The following ACLY variants were observed in gnomAD, a reference collection of about 807,000 sequenced individuals.
The protein encoded by ACLY is ATP citrate lyase.
A neutral mutation model predicts 133.0 loss-of-function variants in ACLY; 41 were observed. The observed-to-expected ratio is 0.31, with a 90% CI of 0.24 to 0.40. The LOEUF (loss-of-function observed/expected upper bound fraction) is 0.40. Ranked by LOEUF, ACLY falls within the 10% of genes least tolerant of loss-of-function variation. The pLI, the probability that ACLY is intolerant of heterozygous loss-of-function variation, is 1.00. For synonymous variants in ACLY, 495 were observed against 549.3 expected (o/e 0.90, Z 1.38); for missense variants, 1,046 against 1,453.8 (o/e 0.72, Z 4.56).
At chr17:41,893,396 G>A (rs2049271496) in intron 14 of ACLY, among the ~76,000 whole-genome samples, 1 of 152,200 alleles carries the variant, frequency 6.6e-6, no homozygotes, top group African/African-American at 2.4e-5. Flanking sequence ...CAAGCTAAGA[G>A]GGCCTGCTAG....
intron 10 of ACLY, among the ~76,000 whole-genome samples, chr17:41,902,927 A>G (rs1427330783): frequency 1.3e-5 from 2 of 152,150 alleles, no homozygotes; most frequent in Non-Finnish European, 2.9e-5. Flanking sequence ...CCGGGGCTCA[A>G]GCAATCCTCC....
chr17:41,869,942 C>T (rs1422217948), intron 25 of ACLY, among the ~76,000 whole-genome samples: 1 of 152,194 alleles, frequency 6.6e-6, no homozygotes, highest in Non-Finnish European at 1.5e-5. Context: ...TTCCAGCCTC[C>T]AGCCATGCCC....
chr17:41,916,021 G>T (rs1020049019), intron 1 of ACLY, among the ~76,000 whole-genome samples: 4 of 152,142 alleles, frequency 2.6e-5, no homozygotes, highest in African/African-American at 9.7e-5. Flanking sequence ...ACCCAACTTT[G>T]GAAAGGACAA....
At chr17:41,880,845 G>A (rs1333633158) in intron 20 of ACLY, among the ~76,000 whole-genome samples, 14 of 150,772 alleles carry the variant, frequency 9.3e-5, no homozygotes, top group South Asian at 4.2e-4. Flanking sequence ...CAGCCTGGGC[G>A]ACAGAGCGAG....
chr17:41,878,200 G>A lies in ACLY; in HGVS notation c.2394-4C>T, dbSNP rs1555626516. 2.6e-6 allele frequency: 4 copies of A among 1,557,416 alleles called. No individual in the cohort carries two copies. The highest frequency in any genetic ancestry group is 3.5e-6 in the Non-Finnish European group (4 of 1,155,266). Reference sequence around the variant, plus strand: ...CACGAGATCTTCGTATACAGACCTGGGAGGCAGGAAAAAAAAGACATCCAT... The same window carrying A: ...CACGAGATCTTCGTATACAGACCTGAGAGGCAGGAAAAAAAAGACATCCAT... On this transcript the variant is annotated splice_polypyrimidine_tract_variant and splice_region_variant and intron_variant, in intron 21 of 28. Coordinates refer to ENST00000352035, the MANE Select transcript of ACLY (RefSeq NM_001096.3).
Position 41,892,381 on chromosome 17 carries a change from C to T in ACLY, c.1668G>A (p.Met556Ile). Residue 556 changes from methionine (M) to isoleucine (I), a missense_variant, in exon 16 of 29, where the codon ATG (methionine) becomes ATA (isoleucine). By Grantham distance (10) the Met-to-Ile change is conservative (BLOSUM62 1). Coordinates refer to ENST00000352035, the MANE Select transcript of ACLY (RefSeq NM_001096.3). ...CCGGATGCTTCCTCATGGCATCAGC[C>T]ATGTTCTTGAAGACAGGGATCAGGA... ...KEILIPVFKN[M>I]ADAMRKHPEV... 6.2e-7 allele frequency: 1 copy of T among 1,613,832 alleles called. No homozygotes were observed. The highest frequency in any genetic ancestry group is 8.5e-7 in the Non-Finnish European group (1 of 1,179,960).
chr17:41,889,553 A>AAAAAAAAAAAAAAAAAAC (rs2049149300), intron 16 of ACLY, among the ~76,000 whole-genome samples: 2 of 149,792 alleles, frequency 1.3e-5, no homozygotes, highest in Non-Finnish European at 3.0e-5. Context: ...AAAAAAAAAA[A>AAAAAAAAAAAAAAAAAAC]AAAGAAGTAG....
intron 2 of ACLY, among the ~76,000 whole-genome samples, 173 bp downstream of exon 2, chr17:41,913,542 C>T (rs377431863): frequency 1.3e-5 from 2 of 152,236 alleles, no homozygotes; most frequent in African/African-American, 2.4e-5. Context: ...GGTACCTCAA[C>T]ATGCAGGGCT....
chr17:41,916,583 G>A lies in ACLY; in HGVS notation c.-24+2297C>T, dbSNP rs563869837. 1.5e-4 allele frequency among the ~76,000 whole-genome samples: 22 copies of A among 151,188 alleles called. No homozygotes were observed. In the East Asian group the frequency reaches 4.4e-3, roughly 30 times the overall value. ...GTAGAGGCGGGGTTTCACCATGTTG[G>A]TCAGGCTGGTCTCGAACTCCTGACC... On this transcript the variant is annotated intron_variant, in intron 1 of 28. Transcript: ENST00000352035.
chr17:41,882,367 C>CAAAAAAAA (rs34078258), intron 20 of ACLY, among the ~76,000 whole-genome samples: 12,359 of 40,224 alleles, frequency 0.31, 4,477 homozygotes, highest in Middle Eastern at 0.42. Flanking sequence ...ACCCTGTCTC[C>CAAAAAAAA]AAAAAAAAAA....
At chr17:41,875,676 A>G (rs1263902885) in intron 22 of ACLY, among the ~76,000 whole-genome samples, 1 of 152,164 alleles carries the variant, frequency 6.6e-6, no homozygotes, top group Non-Finnish European at 1.5e-5. Context: ...GCTCCTAACC[A>G]CGAGTGATCC....
chr17:41,871,093 C>T (rs1286089381), intron 25 of ACLY, among the ~76,000 whole-genome samples: 2 of 152,192 alleles, frequency 1.3e-5, no homozygotes, highest in Non-Finnish European at 2.9e-5. Flanking sequence ...GACCTTGGCC[C>T]TTTTACCCAT....
At chr17:41,870,803 C>T (rs2048578030) in intron 25 of ACLY, 1 of 152,220 alleles carries the variant, frequency 6.6e-6, no homozygotes, top group Non-Finnish European at 1.5e-5. Flanking sequence ...CTTGCGGTGG[C>T]CAATGAAATG....
intron 26 of ACLY, 114 bp downstream of exon 26, chr17:41,869,360 A>G (rs1490042865): frequency 1.1e-6 from 1 of 942,796 alleles, no homozygotes; most frequent in African/African-American, 1.7e-5. Context: ...CAAAAATAAC[A>G]TTTCTAGAAA....
chr17:41,902,397 A>C (rs184701380), intron 10 of ACLY, among the ~76,000 whole-genome samples: 212 of 152,318 alleles, frequency 1.4e-3, no homozygotes, highest in Non-Finnish European at 2.1e-3. Flanking sequence ...TATTTTTAGT[A>C]GATATGAGGC....
At chr17:41,889,472 T>G (rs1317117278) in intron 16 of ACLY, among the ~76,000 whole-genome samples, 9 of 121,274 alleles carry the variant, frequency 7.4e-5, no homozygotes, top group African/African-American at 2.9e-4. Flanking sequence ...TGAACTGAGA[T>G]CACGCCGCTG....
At chr17:41,908,892 C>T in intron 6 of ACLY, 97 bp downstream of exon 6, 2 of 1,002,998 alleles carry the variant, frequency 2.0e-6, no homozygotes, top group Non-Finnish European at 3.1e-6. Flanking sequence ...TTGTGTTACC[C>T]TCTGGCAAGT....
In ACLY at chr17:41,884,286, A is replaced by C; in HGVS notation, c.2073-12T>G. 6.4e-7 allele frequency: 1 copy of C among 1,570,098 alleles called. No individual in the cohort carries two copies. The highest frequency in any genetic ancestry group is 8.8e-7 in the Non-Finnish European group (1 of 1,139,852). On this transcript the variant is annotated splice_polypyrimidine_tract_variant and intron_variant, in intron 18 of 28. Coordinates refer to ENST00000352035, the MANE Select transcript of ACLY (RefSeq NM_001096.3). Reference sequence around the variant, plus strand: ...TGGAGCCCGGGTACCTGTTGAGAGCAGGGAGTATCAGGATACAGGATCAGG... The same window carrying C: ...TGGAGCCCGGGTACCTGTTGAGAGCCGGGAGTATCAGGATACAGGATCAGG...
Position 41,905,668 on chromosome 17 carries a change from A to C in ACLY, c.867-10T>G. On this transcript the variant is annotated splice_polypyrimidine_tract_variant and intron_variant, in intron 8 of 28. Transcript: ENST00000352035. ...ATCACAGATGGTATCGCTGCCAAGG[A>C]GACAGAAGTCAGTGATGGCTCTCAC... The C allele has an allele frequency of 1.9e-6, 3 of 1,614,154 alleles. No homozygotes were observed. Among genetic ancestry groups the C allele is most frequent in the Non-Finnish European group, 2.5e-6 (3 of 1,180,006 alleles).
Sources: allele counts gnomAD v4.1 joint callset (sites outside exome capture counted in the v4.1 genomes callset), GRCh38; gene constraint gnomAD v4.1.1; transcripts MANE v1.5; gene names NCBI Gene and HGNC (gene_info 2026-07-23, HGNC 2026-07-21).